The following MGAT4C variants were observed in gnomAD, a reference collection of about 807,000 sequenced individuals.
The protein encoded by MGAT4C is MGAT4 family member C.
MGAT4C carries 19 observed loss-of-function variants against 40.1 expected under a neutral mutation model. The ratio of observed to expected loss-of-function variants is 0.47; its 90% CI spans 0.33 to 0.70. The LOEUF is 0.70. MGAT4C is among the 30% of genes least tolerant of loss of function. MGAT4C has a pLI of 0.02. For synonymous variants in MGAT4C, 181 were observed against 187.1 expected (o/e 0.97, Z 0.27); for missense variants, 491 against 563.2 (o/e 0.87, Z 1.30).
chr12:86,424,707 T>A (rs1325499899), intron 3 of MGAT4C, among the ~76,000 whole-genome samples: 1 of 152,170 alleles, frequency 6.6e-6, no homozygotes, highest in African/African-American at 2.4e-5. Flanking sequence ...ACAAATTGAT[T>A]AAATCAATTA....
intron 3 of MGAT4C, among the ~76,000 whole-genome samples, chr12:86,393,452 G>C (rs1201444556): frequency 1.3e-5 from 2 of 152,142 alleles, no homozygotes; most frequent in Non-Finnish European, 2.9e-5. Context: ...GAAAACTGAA[G>C]TTTGGAGAGA....
intron 2 of MGAT4C, among the ~76,000 whole-genome samples, chr12:86,606,139 ACC>A (rs535476341): frequency 6.6e-6 from 1 of 151,912 alleles, no homozygotes; most frequent in Non-Finnish European, 1.5e-5. Flanking sequence ...GGGGGAAACC[ACC>A]CCCATGATTC....
intron 2 of MGAT4C, among the ~76,000 whole-genome samples, chr12:86,720,639 C>T (rs1336339101): frequency 6.6e-6 from 1 of 151,846 alleles, no homozygotes; most frequent in African/African-American, 2.4e-5. Flanking sequence ...GATGGCTTAC[C>T]TGGATCAGGA....
Position 85,961,997 on chromosome 12 carries a change from C to A in MGAT4C, c.*17292G>T, listed in dbSNP as rs919768621. 6.6e-6 allele frequency: 1 copy of A among 151,842 alleles called. No individual in the cohort carries two copies. The highest frequency in any genetic ancestry group is 1.9e-4 in the East Asian group (1 of 5,188). 9.4% of individuals were successfully genotyped at this position (151,842 alleles called of 1,614,324 possible). ...ATTTCTTTTGTGTATCTGAATGGAA[C>A]ATGTGGTAAACACAACAGTAGAATA... On this transcript the variant is annotated 3_prime_UTR_variant, in exon 5 of 5. Transcript: ENST00000611864.
At chr12:86,368,197 A>C (rs1458222076) in intron 3 of MGAT4C, among the ~76,000 whole-genome samples, 1 of 152,198 alleles carries the variant, frequency 6.6e-6, no homozygotes, top group African/African-American at 2.4e-5. Context: ...GATAATATGC[A>C]TATCAACAAT....
intron 2 of MGAT4C, among the ~76,000 whole-genome samples, chr12:86,724,578 T>G (rs1950790888): frequency 6.6e-6 from 1 of 152,208 alleles, no homozygotes; most frequent in Non-Finnish European, 1.5e-5. Context: ...CTACCTGAGC[T>G]TCTACATAAT....
intron 2 of MGAT4C, among the ~76,000 whole-genome samples, chr12:86,488,253 A>C (rs1958061432): frequency 9.4e-6 from 1 of 106,878 alleles, no homozygotes; most frequent in Non-Finnish European, 2.2e-5. Flanking sequence ...TGTTTTCTAC[A>C]AAAAAAAAAA....
chr12:86,693,104 C>G (rs924051766), intron 2 of MGAT4C, among the ~76,000 whole-genome samples: 2 of 152,132 alleles, frequency 1.3e-5, no homozygotes, highest in African/African-American at 4.8e-5. Context: ...TGAGTTGACA[C>G]TCTTCAGCTG....
At chr12:86,497,092 T>A (rs1309435352) in intron 2 of MGAT4C, among the ~76,000 whole-genome samples, 3 of 152,046 alleles carry the variant, frequency 2.0e-5, no homozygotes, top group Admixed American at 6.6e-5. Flanking sequence ...ATGCAAATAT[T>A]TTCAATAAAA....
intron 1 of MGAT4C, among the ~76,000 whole-genome samples, chr12:86,121,689 C>T (rs1385218019): frequency 6.6e-6 from 1 of 152,122 alleles, no homozygotes; most frequent in African/African-American, 2.4e-5. Context: ...TACAGACAAG[C>T]AAATGCTGAG....
intron 4 of MGAT4C, among the ~76,000 whole-genome samples, chr12:86,331,540 T>C (rs773201091): frequency 1.5e-4 from 23 of 152,236 alleles, no homozygotes; most frequent in Non-Finnish European, 3.2e-4. Context: ...TCTGAGATCT[T>C]ATTAGGAAAC....
At chr12:86,030,669 C>T (rs1397858563) in intron 2 of MGAT4C, among the ~76,000 whole-genome samples, 4 of 151,458 alleles carry the variant, frequency 2.6e-5, no homozygotes, top group East Asian at 3.9e-4. Flanking sequence ...TATTCTAATC[C>T]AGAAGGAATT....
intron 1 of MGAT4C, among the ~76,000 whole-genome samples, chr12:86,741,851 T>G (rs955196712): frequency 1.3e-5 from 2 of 151,452 alleles, no homozygotes; most frequent in South Asian, 2.1e-4. Flanking sequence ...AGAACTATCA[T>G]GAACAGTAGA....
At chr12:86,188,265 A>T (rs1302685178) in intron 1 of MGAT4C, among the ~76,000 whole-genome samples, 2 of 152,124 alleles carry the variant, frequency 1.3e-5, no homozygotes, top group Admixed American at 1.3e-4. Flanking sequence ...TGGGAAAAAT[A>T]GAACTGGAAC....
At chr12:86,368,869 G>A (rs1295843622) in intron 3 of MGAT4C, among the ~76,000 whole-genome samples, 1 of 151,862 alleles carries the variant, frequency 6.6e-6, no homozygotes, top group Non-Finnish European at 1.5e-5. Flanking sequence ...GCTATTGGGT[G>A]GAATTTCTAT....
intron 1 of MGAT4C, among the ~76,000 whole-genome samples, chr12:86,231,709 T>G (rs1240790136): frequency 2.0e-5 from 3 of 152,178 alleles, no homozygotes; most frequent in African/African-American, 7.2e-5. Flanking sequence ...ATTCTAACAT[T>G]CATTTTGGTA....
intron 2 of MGAT4C, among the ~76,000 whole-genome samples, chr12:86,463,385 C>T (rs562020353): frequency 4.6e-5 from 7 of 152,224 alleles, no homozygotes; most frequent in Non-Finnish European, 8.8e-5. Flanking sequence ...TGAACAAATT[C>T]TTGCAAGGCC....
intron 2 of MGAT4C, among the ~76,000 whole-genome samples, chr12:86,620,252 C>T (rs368441911): frequency 1.5e-3 from 231 of 152,066 alleles, no homozygotes; most frequent in African/African-American, 5.4e-3. Flanking sequence ...AAAAATACAC[C>T]TGTGCTATTA....
intron 1 of MGAT4C, among the ~76,000 whole-genome samples, chr12:86,205,452 TA>T (rs1390580516): frequency 5.9e-5 from 9 of 151,630 alleles, no homozygotes; most frequent in Non-Finnish European, 1.0e-4. Context: ...TAATTTTTCT[TA>T]TAATCAGTTG....
Sources: allele counts gnomAD v4.1 joint callset (sites outside exome capture counted in the v4.1 genomes callset), GRCh38; gene constraint gnomAD v4.1.1; transcripts MANE v1.5; gene names NCBI Gene and HGNC (gene_info 2026-07-23, HGNC 2026-07-21).